The following HDAC9 variants were observed in gnomAD, a reference collection of about 807,000 sequenced individuals.
The protein encoded by HDAC9 is MEF-2 interacting transcription repressor (MITR) protein.
HDAC9 carries 41 observed loss-of-function variants against 139.4 expected under a neutral mutation model. That is an observed-to-expected ratio of 0.29 (90% CI 0.23 to 0.38). The LOEUF (loss-of-function observed/expected upper bound fraction) is 0.38. Among genes scored for constraint, HDAC9 ranks in the 10% least tolerant of loss-of-function variants. The pLI, the probability that HDAC9 is intolerant of heterozygous loss-of-function variation, is 1.00. For missense variants in HDAC9, 1,147 were observed against 1,297.0 expected (o/e 0.88, Z 1.78); for synonymous variants, 517 against 476.2 (o/e 1.09, Z -1.12).
chr7:18,140,412 G>GA (rs1785815354), intron 1 of HDAC9, among the ~76,000 whole-genome samples: 2 of 151,602 alleles, frequency 1.3e-5, no homozygotes, highest in East Asian at 1.9e-4. Context: ...ACAAAAACAA[G>GA]AAAAAAAATA....
At position 18,280,641 on chromosome 7, in the gene HDAC9, T is replaced by C. The variant is rs567500029; in HGVS notation, c.25+118292T>C. Among the ~76,000 whole-genome samples the C allele has an allele frequency of 5.3e-5, 8 of 151,704 alleles. No homozygotes were observed. The South Asian group carries it at 8.3e-4, about 16-fold the overall frequency. Reference sequence around the variant, plus strand: ...TAGCTGGCGTGTTGGCCTGCACTTATAGTCCCAGCTACTCAGGAGGCTGAG... The same window carrying C: ...TAGCTGGCGTGTTGGCCTGCACTTACAGTCCCAGCTACTCAGGAGGCTGAG... On this transcript the variant is annotated intron_variant, in intron 2 of 12. Transcript: ENST00000417496.
intron 1 of HDAC9, among the ~76,000 whole-genome samples, chr7:18,317,208 ATAAAT>A (rs1373337454): frequency 1.3e-5 from 2 of 151,508 alleles, no homozygotes; most frequent in African/African-American, 4.8e-5. Context: ...AAATAAATAA[ATAAAT>A]TAATTAAATT....
chr7:18,166,748 C>T (rs1788039263), intron 2 of HDAC9, among the ~76,000 whole-genome samples: 1 of 152,144 alleles, frequency 6.6e-6, no homozygotes, highest in Non-Finnish European at 1.5e-5. Context: ...TTTAATGATT[C>T]ACCATTTTTA....
intron 2 of HDAC9, among the ~76,000 whole-genome samples, chr7:18,565,637 A>G (rs1162653328): frequency 6.6e-6 from 1 of 152,122 alleles, no homozygotes; most frequent in Non-Finnish European, 1.5e-5. Context: ...ACTTCTGTAG[A>G]AAAAAAGAAA....
intron 21 of HDAC9, among the ~76,000 whole-genome samples, chr7:18,840,858 G>A (rs1201375590): frequency 6.6e-6 from 1 of 152,086 alleles, no homozygotes; most frequent in African/African-American, 2.4e-5. Context: ...TTCTGTTCCT[G>A]ATGCTGAGTC....
intron 22 of HDAC9, among the ~76,000 whole-genome samples, chr7:18,908,272 T>C (rs1426179666): frequency 1.3e-5 from 2 of 152,108 alleles, no homozygotes; most frequent in Non-Finnish European, 2.9e-5. Flanking sequence ...TAATTGTACA[T>C]GGTTATATGG....
chr7:18,643,036 C>T (rs1261493154), intron 8 of HDAC9, among the ~76,000 whole-genome samples: 1 of 152,066 alleles, frequency 6.6e-6, no homozygotes, highest in African/African-American at 2.4e-5. Context: ...AAGTGAATAA[C>T]ATATCCTTTT....
chr7:18,133,796 C>T (rs992119534), intron 1 of HDAC9, among the ~76,000 whole-genome samples: 9 of 152,008 alleles, frequency 5.9e-5, no homozygotes, highest in Admixed American at 3.9e-4. Flanking sequence ...AGAGAAACAC[C>T]ATTTGACTAT....
At chr7:18,875,846 C>A (rs1490496115) in intron 22 of HDAC9, among the ~76,000 whole-genome samples, 3 of 152,070 alleles carry the variant, frequency 2.0e-5, no homozygotes, top group Non-Finnish European at 4.4e-5. Flanking sequence ...AAACAGTTGT[C>A]TAAATAAACA....
intron 2 of HDAC9, among the ~76,000 whole-genome samples, chr7:18,193,824 C>A (rs1298245372): frequency 6.6e-6 from 1 of 152,152 alleles, no homozygotes; most frequent in African/African-American, 2.4e-5. Flanking sequence ...TCTTTCCCAC[C>A]TTGTTAGGCT....
chr7:18,461,456 T>A (rs1417942032), intron 1 of HDAC9, among the ~76,000 whole-genome samples: 1 of 152,184 alleles, frequency 6.6e-6, no homozygotes, highest in Non-Finnish European at 1.5e-5. Flanking sequence ...AAAGTTTTGG[T>A]CATATCCAAT....
chr7:18,439,346 C>T (rs1165415559), intron 1 of HDAC9, among the ~76,000 whole-genome samples: 4 of 152,122 alleles, frequency 2.6e-5, no homozygotes, highest in Non-Finnish European at 5.9e-5. Context: ...AATTTGACTT[C>T]CCAATAGCAA....
intron 7 of HDAC9, among the ~76,000 whole-genome samples, chr7:18,634,111 A>G (rs1783151898): frequency 6.6e-6 from 1 of 152,118 alleles, no homozygotes; most frequent in Non-Finnish European, 1.5e-5. Context: ...TTTTCTTCAT[A>G]TAACTTGAAC....
intron 21 of HDAC9, among the ~76,000 whole-genome samples, chr7:18,873,027 T>G (rs1338929238): frequency 6.6e-6 from 1 of 152,122 alleles, no homozygotes; most frequent in African/African-American, 2.4e-5. Flanking sequence ...AAAACTTGTT[T>G]CAATCTCTAA....
intron 9 of HDAC9, among the ~76,000 whole-genome samples, chr7:18,645,313 C>T (rs532096206): frequency 1.2e-4 from 18 of 152,190 alleles, no homozygotes; most frequent in African/African-American, 3.4e-4. Context: ...CTGGTACTGG[C>T]GAATATGTAT....
At chr7:18,962,819 G>C (rs934269207) in intron 24 of HDAC9, among the ~76,000 whole-genome samples, 6 of 152,122 alleles carry the variant, frequency 3.9e-5, no homozygotes, top group African/African-American at 1.4e-4. Context: ...ACATAATTCT[G>C]CAATACACAG....
At chr7:18,162,255 A>G (rs1584399672) in exon 2 of HDAC9, 2 of 1,405,598 alleles carry the variant, frequency 1.4e-6, no homozygotes, top group East Asian at 5.0e-5. Flanking sequence ...CCCCTCCTGG[A>G]CCATTGTCAG....
At chr7:18,479,262 ATC>A (rs1194426066) in intron 1 of HDAC9, among the ~76,000 whole-genome samples, 1 of 152,004 alleles carries the variant, frequency 6.6e-6, no homozygotes, top group Non-Finnish European at 1.5e-5. Context: ...TATATGTTTA[ATC>A]TACTTGGAAT....
intron 22 of HDAC9, among the ~76,000 whole-genome samples, chr7:18,923,560 T>C (rs948630674): frequency 1.3e-5 from 2 of 152,094 alleles, no homozygotes; most frequent in Non-Finnish European, 2.9e-5. Flanking sequence ...CCTCACTCTC[T>C]CATCATTCAA....
Sources: gnomAD v4.1 joint callset for allele counts (sites outside exome capture counted in the v4.1 genomes callset) on GRCh38, gnomAD v4.1.1 for gene constraint, MANE v1.5 for transcripts, NCBI Gene and HGNC (gene_info 2026-07-23, HGNC 2026-07-21) for gene names.